Variants in HDX observed in about 807,000 individuals in gnomAD.
HDX encodes the protein highly divergent homeobox.
In HDX, 19 loss-of-function variants were observed where a neutral mutation model predicts 45.2. That is an observed-to-expected ratio of 0.42 (90% confidence interval 0.29 to 0.62). The LOEUF is 0.62. HDX is among the 20% of genes least tolerant of loss of function. The probability of loss-of-function intolerance (pLI) is 0.20; values close to 1 mark genes in which losing one functional copy is unlikely to be tolerated. For missense variants in HDX, 532 were observed against 493.9 expected (o/e 1.08, Z -0.73); for synonymous variants, 188 against 172.8 (o/e 1.09, Z -0.69).
At chrX:84,322,047 A>G (rs181205452) in intron 10 of HDX, 33 bp from the exon 11 acceptor site, 1 of 987,491 alleles carries the variant, frequency 1.0e-6, no homozygotes, top group Admixed American at 3.1e-5. Context: ...TTGGATTAGT[A>G]TGTGGATAGA....
At chrX:84,484,197 G>T (rs768121986) in intron 2 of HDX, among the ~76,000 whole-genome samples, 3 of 111,774 alleles carry the variant, frequency 2.7e-5, no homozygotes, top group Non-Finnish European at 5.6e-5. Context: ...ACATTTTGGG[G>T]TATCCTTATA....
At chrX:84,479,952 T>C (rs1183201064) in intron 2 of HDX, among the ~76,000 whole-genome samples, 1 of 111,504 alleles carries the variant, frequency 9.0e-6, no homozygotes, top group Non-Finnish European at 1.9e-5. Context: ...ATACAAACCC[T>C]TCATCAGAAA....
intron 5 of HDX, among the ~76,000 whole-genome samples, chrX:84,397,047 G>A (rs2038583731): frequency 8.9e-6 from 1 of 112,207 alleles, no homozygotes; most frequent in Non-Finnish European, 1.9e-5. Context: ...TGGGGAGCAT[G>A]CTCTTTGCTC....
chrX:84,322,834 T>A (rs2036624915), intron 10 of HDX, among the ~76,000 whole-genome samples: 1 of 111,387 alleles, frequency 9.0e-6, no homozygotes, highest in East Asian at 2.8e-4. Flanking sequence ...AACTTAATGA[T>A]TGATTTGCTG....
chrX:84,362,613 T>C (rs986303641), intron 5 of HDX, among the ~76,000 whole-genome samples: 3 of 110,362 alleles, frequency 2.7e-5, no homozygotes, highest in African/African-American at 9.9e-5. Context: ...TGAGAGTGAA[T>C]CTGGGACAAC....
chrX:84,406,179 T>G, intron 5 of HDX, among the ~76,000 whole-genome samples: 2 of 111,036 alleles, frequency 1.8e-5, no homozygotes, highest in East Asian at 5.7e-4. Flanking sequence ...ACACATGATT[T>G]ATAACAACAA....
At chrX:84,399,247 A>AC (rs1261135141) in intron 5 of HDX, among the ~76,000 whole-genome samples, 31 of 103,667 alleles carry the variant, frequency 3.0e-4, no homozygotes, top group South Asian at 1.3e-3. Flanking sequence ...TAGAGACACA[A>AC]ACCCCCCCCC....
At chrX:84,484,839 C>A (rs910370820) in intron 2 of HDX, among the ~76,000 whole-genome samples, 16 of 111,580 alleles carry the variant, frequency 1.4e-4, no homozygotes, top group Non-Finnish European at 7.5e-5. Flanking sequence ...ATTTAATTTA[C>A]TTTTCTTTTC....
intron 5 of HDX, among the ~76,000 whole-genome samples, chrX:84,399,933 A>G (rs1029067555): frequency 3.6e-5 from 4 of 111,894 alleles, no homozygotes; most frequent in Non-Finnish European, 7.5e-5. Flanking sequence ...CATGTTATCC[A>G]TTACATAAAT....
At chrX:84,351,313 C>G (rs1050434421) in intron 6 of HDX, among the ~76,000 whole-genome samples, 1 of 110,801 alleles carries the variant, frequency 9.0e-6, no homozygotes, top group Non-Finnish European at 1.9e-5. Flanking sequence ...TTCCAGCTCT[C>G]CACTCTTTCT....
intron 5 of HDX, among the ~76,000 whole-genome samples, chrX:84,402,200 TAAAGTA>T (rs1033880930): frequency 9.0e-6 from 1 of 111,515 alleles, no homozygotes; most frequent in African/African-American, 3.3e-5. Flanking sequence ...TTCTGGAACT[TAAAGTA>T]AAATAAAAAA....
At chrX:84,448,142 T>C (rs981676660) in intron 4 of HDX, among the ~76,000 whole-genome samples, 2 of 111,639 alleles carry the variant, frequency 1.8e-5, no homozygotes, top group Non-Finnish European at 1.9e-5. Flanking sequence ...ATCCACCACA[T>C]TTGGCACTAC....
At chrX:84,501,329 A>T (rs1266503019) in intron 1 of HDX, 2 of 111,597 alleles carry the variant, frequency 1.8e-5, no homozygotes, top group Admixed American at 1.9e-4. Context: ...AGAGACACAG[A>T]GGAAGAAGAT....
At chrX:84,449,063 G>A (rs1282455535) in intron 4 of HDX, among the ~76,000 whole-genome samples, 1 of 107,585 alleles carries the variant, frequency 9.3e-6, no homozygotes, top group African/African-American at 3.4e-5. Flanking sequence ...CCAAGCAGAA[G>A]AACGAATTTC....
intron 2 of HDX, among the ~76,000 whole-genome samples, chrX:84,481,770 T>C (rs917464805): frequency 5.4e-5 from 6 of 111,288 alleles, no homozygotes; most frequent in African/African-American, 2.0e-4. Context: ...TACTTGGGTA[T>C]ATTGGGTGAT....
At chrX:84,436,476 G>A (rs910477032) in intron 5 of HDX, among the ~76,000 whole-genome samples, 1 of 111,190 alleles carries the variant, frequency 9.0e-6, no homozygotes, top group South Asian at 3.7e-4. Context: ...TATTAACTTG[G>A]CTTTAATACT....
chrX:84,423,883 C>T (rs1187156798), intron 5 of HDX, among the ~76,000 whole-genome samples: 2 of 110,610 alleles, frequency 1.8e-5, no homozygotes, highest in African/African-American at 6.6e-5. Flanking sequence ...GGGGAAAAAC[C>T]GAAAGATTTC....
chrX:84,350,904 T>C (rs1051093497), intron 6 of HDX, among the ~76,000 whole-genome samples: 1 of 111,662 alleles, frequency 9.0e-6, no homozygotes, highest in East Asian at 2.8e-4. Flanking sequence ...GTTGTATTTT[T>C]CCCCTGCATT....
chrX:84,415,142 A>G (rs1569327618), intron 5 of HDX, among the ~76,000 whole-genome samples: 1 of 111,882 alleles, frequency 8.9e-6, no homozygotes, highest in African/African-American at 3.2e-5. Context: ...GGAAACTTTC[A>G]TTTCTTGTGT....
Sources: gnomAD v4.1 joint callset for allele counts (sites outside exome capture counted in the v4.1 genomes callset) on GRCh38, gnomAD v4.1.1 for gene constraint, MANE v1.5 for transcripts, NCBI Gene and HGNC (gene_info 2026-07-23, HGNC 2026-07-21) for gene names.